TRIM16: variants seen among roughly 807,000 people sequenced by gnomAD.
TRIM16 encodes the protein tripartite motif-containing protein 16.
In TRIM16, 33 loss-of-function variants were observed where a neutral mutation model predicts 50.4. The ratio of observed to expected loss-of-function variants is 0.65; its 90% confidence interval spans 0.50 to 0.88. The LOEUF (loss-of-function observed/expected upper bound fraction) is 0.88, where lower values mean the gene tolerates loss of function less well. TRIM16 is among the 40% of genes least tolerant of loss of function. TRIM16 has a pLI of 0.00. For synonymous variants in TRIM16, 229 were observed against 270.7 expected (o/e 0.85, Z 1.51); for missense variants, 581 against 686.8 (o/e 0.85, Z 1.72).
intron 8 of TRIM16, among the ~76,000 whole-genome samples, chr17:15,639,715 G>A (rs1263115351): frequency 6.7e-6 from 1 of 149,772 alleles, no homozygotes; most frequent in Non-Finnish European, 1.5e-5. Flanking sequence ...GAGGCAGGCA[G>A]AGAATGGGCT....
intron 6 of TRIM16, among the ~76,000 whole-genome samples, chr17:15,664,557 C>A (rs1988391038): frequency 6.6e-6 from 1 of 152,086 alleles, no homozygotes; most frequent in Non-Finnish European, 1.5e-5. Flanking sequence ...CGACCTGTGG[C>A]CACAAGCGCC....
rs140107598 is a variant in TRIM16, at chr17:15,636,022, C to G, written c.849+14G>C. 1 of 1,611,646 alleles carries G rather than the reference C, an allele frequency of 6.2e-7. No homozygotes were observed. The highest frequency in any genetic ancestry group is 8.5e-7 in the Non-Finnish European group (1 of 1,179,428). ...GGCAGCTGTGGGATGCCTCTGCCCC[C>G]GCAACCCCCATACCTCCAAGAACTG... On this transcript the variant is annotated intron_variant, in intron 9 of 11. Transcript: ENST00000649191.
intron 8 of TRIM16, among the ~76,000 whole-genome samples, chr17:15,637,363 T>A (rs796281070): frequency 4.1e-5 from 2 of 48,856 alleles, no homozygotes; most frequent in African/African-American, 1.1e-4. Flanking sequence ...TCAGCCCCCC[T>A]ACCCGGCCAG....
intron 4 of TRIM16, among the ~76,000 whole-genome samples, chr17:15,679,410 A>G (rs1477273072): frequency 6.6e-6 from 1 of 152,178 alleles, no homozygotes; most frequent in African/African-American, 2.4e-5. Context: ...CTGAGGCCTC[A>G]CGTGGTTGGA....
intron 6 of TRIM16, among the ~76,000 whole-genome samples, chr17:15,657,569 C>T (rs1277222542): frequency 6.6e-6 from 1 of 152,360 alleles, no homozygotes; most frequent in East Asian, 1.9e-4. Flanking sequence ...CCTTTGGAAG[C>T]TACCGTTCTA....
chr17:15,671,295 T>C (rs1023208785), intron 6 of TRIM16, among the ~76,000 whole-genome samples: 9 of 104,796 alleles, frequency 8.6e-5, no homozygotes, highest in African/African-American at 3.3e-4. Flanking sequence ...GTTTTGTGTA[T>C]AGCTCTGATA....
chr17:15,656,379 T>C (rs1295725881), intron 6 of TRIM16, among the ~76,000 whole-genome samples: 1 of 152,184 alleles, frequency 6.6e-6, no homozygotes, highest in Admixed American at 6.5e-5. Context: ...CTGTCTCTCC[T>C]CGGATTCTGC....
At chr17:15,662,463 T>G (rs1364106129) in intron 6 of TRIM16, among the ~76,000 whole-genome samples, 2 of 152,248 alleles carry the variant, frequency 1.3e-5, no homozygotes, top group African/African-American at 2.4e-5. Flanking sequence ...TCTTCTACTA[T>G]TTACACACAA....
intron 10 of TRIM16, 103 bp from the exon 11 acceptor site, chr17:15,631,817 GA>G (rs1406246425): frequency 1.0e-6 from 1 of 989,280 alleles, no homozygotes; most frequent in African/African-American, 1.6e-5. Flanking sequence ...CCTGGGGAAA[GA>G]AGGGGCTGAA....
chr17:15,665,716 T>C (rs1466115473), intron 6 of TRIM16, among the ~76,000 whole-genome samples: 1 of 151,550 alleles, frequency 6.6e-6, no homozygotes, highest in Non-Finnish European at 1.5e-5. Flanking sequence ...AGATCACTTC[T>C]TCCCAACTTA....
intron 8 of TRIM16, among the ~76,000 whole-genome samples, chr17:15,637,723 G>T (rs1315096119): frequency 2.8e-4 from 35 of 123,132 alleles, no homozygotes; most frequent in South Asian, 5.6e-4. Flanking sequence ...CCCTCTGCCC[G>T]GCCACCACCC....
chr17:15,678,848 A>C (rs562419488), intron 4 of TRIM16, among the ~76,000 whole-genome samples: 45 of 151,142 alleles, frequency 3.0e-4, no homozygotes, highest in African/African-American at 1.1e-3. Context: ...AAAGAAAAGA[A>C]TATTTACGAC....
At chr17:15,637,424 C>T (rs1597610450) in intron 8 of TRIM16, among the ~76,000 whole-genome samples, 1 of 116,618 alleles carries the variant, frequency 8.6e-6, no homozygotes, top group South Asian at 3.1e-4. Flanking sequence ...CCCGGCCAGC[C>T]GCCCCATCTG....
At position 15,671,047 on chromosome 17, in the gene TRIM16, GC is replaced by G. The variant is rs369700752; in HGVS notation, c.-338+6128del. On this transcript the variant is annotated intron_variant, in intron 6 of 11. Transcript: ENST00000649191. ...TTATTCACCGTGTTGCTGTATCCTA[GC>G]AATCTTCCTACTAGGATAAATTGGC... 1.2e-4 allele frequency among the ~76,000 whole-genome samples: 18 copies of G among 152,402 alleles called. No individual in the cohort carries two copies. In the East Asian group the frequency reaches 1.3e-3, roughly 11 times the overall value.
chr17:15,683,158 C>T lies in TRIM16; in HGVS notation c.-898-1G>A. ...GAAATTGCCAGCATTCTACCAGAAA[C>T]TGTGGTAAGAGGTTCTGGATTGAAG... On this transcript the variant is annotated splice_acceptor_variant, in intron 1 of 11. Coordinates refer to ENST00000649191, the MANE Select transcript of TRIM16 (RefSeq NM_001348119.1). LOFTEE classifies it low-confidence loss of function (5UTR_SPLICE). 9 of 1,543,672 alleles carry T rather than the reference C, an allele frequency of 5.8e-6. No individual in the cohort carries two copies. Among genetic ancestry groups the T allele is most frequent in the Non-Finnish European group, 7.9e-6 (9 of 1,141,404 alleles).
At chr17:15,629,810 T>G (rs1217569654) in intron 11 of TRIM16, among the ~76,000 whole-genome samples, 1 of 152,218 alleles carries the variant, frequency 6.6e-6, no homozygotes, top group African/African-American at 2.4e-5. Context: ...CAGGAAGCAG[T>G]AACTCCTACG....
intron 6 of TRIM16, among the ~76,000 whole-genome samples, chr17:15,657,416 G>A (rs1219073185): frequency 2.6e-5 from 4 of 152,276 alleles, no homozygotes; most frequent in South Asian, 2.1e-4. Context: ...ATAACCATTG[G>A]TAAGTGTACA....
intron 6 of TRIM16, among the ~76,000 whole-genome samples, chr17:15,663,044 A>C (rs1386003700): frequency 6.6e-6 from 1 of 151,654 alleles, no homozygotes; most frequent in Non-Finnish European, 1.5e-5. Context: ...TTCCTAATTG[A>C]CTGTCAGCTC....
intron 7 of TRIM16, among the ~76,000 whole-genome samples, chr17:15,647,348 T>A (rs1163769421): frequency 6.6e-6 from 1 of 152,256 alleles, no homozygotes; most frequent in South Asian, 2.1e-4. Context: ...CTGTGAGTGA[T>A]GCCAGTTAAC....
Sources: allele counts gnomAD v4.1 joint callset (sites outside exome capture counted in the v4.1 genomes callset), GRCh38; gene constraint gnomAD v4.1.1; transcripts MANE v1.5; gene names NCBI Gene and HGNC (gene_info 2026-07-23, HGNC 2026-07-21).